The following SAMD5 variants were observed in gnomAD, a reference collection of about 807,000 sequenced individuals.
SAMD5 encodes the protein sterile alpha motif domain containing 5, also known as sterile alpha motif domain-containing protein 5.
A neutral mutation model predicts 11.3 loss-of-function variants in SAMD5; 13 were observed. The observed-to-expected ratio is 1.15, with a 90% CI of 0.75 to 1.83. SAMD5 has a LOEUF of 1.83. Ranked by LOEUF, SAMD5 falls within the 40% of genes most tolerant of loss-of-function variation. SAMD5 has a pLI of 0.00. For missense variants in SAMD5, 255 were observed against 239.1 expected (o/e 1.07, Z -0.44); for synonymous variants, 129 against 111.3 (o/e 1.16, Z -1.00).
At chr6:147,614,092 G>T (rs539712050) in intron 1 of SAMD5, among the ~76,000 whole-genome samples, 1 of 152,080 alleles carries the variant, frequency 6.6e-6, no homozygotes, top group South Asian at 2.1e-4. Flanking sequence ...GGAGGAGATG[G>T]CATTGGGTGA....
chr6:147,724,860 T>C (rs967684414), intron 1 of SAMD5, among the ~76,000 whole-genome samples: 4 of 152,096 alleles, frequency 2.6e-5, no homozygotes, highest in Admixed American at 6.6e-5. Context: ...ACCTAAGAGT[T>C]TGGTGATTTA....
downstream of SAMD5, among the ~76,000 whole-genome samples, chr6:147,573,968 CAA>C (rs1445508325): frequency 6.6e-6 from 1 of 151,802 alleles, no homozygotes; most frequent in Non-Finnish European, 1.5e-5. Context: ...ACTAAAAAAA[CAA>C]AAACAAAATT....
In SAMD5 at chr6:147,532,856, G is replaced by A. The variant is rs184904461; in HGVS notation, c.459+23469G>A. Reference sequence around the variant, plus strand: ...ATAATGAGGTTATGAATGGGTCCACGTGCATACATTTTTCCTCCCGGAGAG... The same window carrying A: ...ATAATGAGGTTATGAATGGGTCCACATGCATACATTTTTCCTCCCGGAGAG... On this transcript the variant is annotated intron_variant, in intron 1 of 1. Transcript: ENST00000367474. Among the ~76,000 whole-genome samples the A allele has an allele frequency of 2.6e-3, 389 of 152,226 alleles. 8 individuals carry two copies. Among genetic ancestry groups the A allele is most frequent in the South Asian group, 5.0e-3 (24 of 4,814 alleles).
chr6:147,580,624 C>T (rs1288953426), intron 1 of SAMD5, among the ~76,000 whole-genome samples: 2 of 152,274 alleles, frequency 1.3e-5, no homozygotes, highest in South Asian at 2.1e-4. Context: ...GAGGACTAGA[C>T]TTTAAAATTG....
Position 147,560,586 on chromosome 6 carries a change from A to T in SAMD5, c.460-3808A>T, listed in dbSNP as rs139384876. Among the ~76,000 whole-genome samples, 34 of 152,318 alleles carry T rather than the reference A, an allele frequency of 2.2e-4. No individual in the cohort carries two copies. In the East Asian group the frequency reaches 6.4e-3, roughly 28 times the overall value. ...GTCACAATAGAGAAATGACTTCTGA[A>T]TGGTGTTTAGCCTGCATATCACTCT... is the stretch of plus-strand genomic sequence containing the variant. On this transcript the variant is annotated intron_variant, in intron 1 of 1. Coordinates refer to ENST00000367474, the MANE Select transcript of SAMD5 (RefSeq NM_001030060.3).
the SAMD5 span, among the ~76,000 whole-genome samples, chr6:147,794,895 G>T: frequency 2.0e-5 from 3 of 151,642 alleles, no homozygotes; most frequent in East Asian, 5.8e-4. Context: ...GAAGAGGGAA[G>T]ATGAACAGTT....
At chr6:147,601,233 A>G (rs1789609876) in intron 1 of SAMD5, among the ~76,000 whole-genome samples, 5 of 152,190 alleles carry the variant, frequency 3.3e-5, no homozygotes, top group Admixed American at 3.3e-4. Flanking sequence ...TTAGGAAATG[A>G]GTATCCAAAA....
chr6:147,535,933 T>G (rs1363087998), intron 1 of SAMD5, among the ~76,000 whole-genome samples: 2 of 152,198 alleles, frequency 1.3e-5, no homozygotes, highest in Admixed American at 1.3e-4. Context: ...AAGTCAACTT[T>G]GATTCTTTAA....
In SAMD5 at chr6:147,686,639, A is replaced by G. The variant is rs145444791; in HGVS notation, c.163-50678A>G. ...ATACTGTTTATTGGTATATTTTTCT[A>G]TGCTTTCCAATACTGTGCTATTTTA... is the stretch of plus-strand genomic sequence containing the variant. On this transcript the variant is annotated intron_variant, in intron 1 of 1. Coordinates refer to the SAMD5 transcript ENST00000566741. 4.2e-3 allele frequency among the ~76,000 whole-genome samples: 637 copies of G among 151,652 alleles called. 3 individuals carry two copies. The highest frequency in any genetic ancestry group is 0.015 in the African/African-American group (612 of 41,438).
chr6:147,790,777 TC>T, the SAMD5 span, among the ~76,000 whole-genome samples: 27 of 57,314 alleles, frequency 4.7e-4, no homozygotes, highest in Non-Finnish European at 1.0e-3. Flanking sequence ...TCTTTCTCTC[TC>T]TCTCTCTCTC....
At chr6:147,776,770 T>G in the SAMD5 span, among the ~76,000 whole-genome samples, 1 of 152,158 alleles carries the variant, frequency 6.6e-6, no homozygotes, top group Non-Finnish European at 1.5e-5. Flanking sequence ...AACAAACAGT[T>G]TTTCAGAGGG....
Position 147,559,143 on chromosome 6 carries a change from G to C in SAMD5, c.460-5251G>C, listed in dbSNP as rs562397881. 3.3e-4 allele frequency among the ~76,000 whole-genome samples: 51 copies of C among 152,300 alleles called. 1 individual carries two copies. The highest frequency in any genetic ancestry group is 1.2e-4 in the Non-Finnish European group (8 of 68,024). On this transcript the variant is annotated intron_variant, in intron 1 of 1. Transcript: ENST00000367474. ...GCACGGCCCTGACTCCAGGCGGTAA[G>C]GCGGCACTGGCCTCAGAAGCAACTG...
rs376990268 is a variant in SAMD5 at position 147,703,415 on chromosome 6, CG to C, written c.163-33900del. Among the ~76,000 whole-genome samples, 304 of 152,278 alleles carry C rather than the reference CG, an allele frequency of 2.0e-3. 1 individual carries two copies. Among genetic ancestry groups the C allele is most frequent in the African/African-American group, 6.9e-3 (287 of 41,564 alleles). On this transcript the variant is annotated intron_variant, in intron 1 of 1. Transcript: ENST00000566741. ...TAGTTAATCTTAGACTTGATTTTGACGGTCTGCATTTCATTTGGTCCCTATT... is the reference window on the plus strand; with the variant it reads ...TAGTTAATCTTAGACTTGATTTTGACGTCTGCATTTCATTTGGTCCCTATT...
the SAMD5 span, among the ~76,000 whole-genome samples, chr6:147,917,185 T>C: frequency 5.5e-5 from 5 of 91,210 alleles, no homozygotes; most frequent in South Asian, 2.2e-3. Flanking sequence ...AGTGTAAAAG[T>C]GTTCCTATTT....
chr6:147,592,662 G>A (rs962275663), intron 1 of SAMD5, among the ~76,000 whole-genome samples: 64 of 151,418 alleles, frequency 4.2e-4, no homozygotes, highest in African/African-American at 1.4e-3. Flanking sequence ...GAACATGTTC[G>A]CTCTGAAGGA....
chr6:147,685,926 G>A (rs1562351536), intron 1 of SAMD5, among the ~76,000 whole-genome samples: 1 of 152,278 alleles, frequency 6.6e-6, no homozygotes, highest in Non-Finnish European at 1.5e-5. Flanking sequence ...TATTTACCTA[G>A]TGATTTGTAG....
intron 1 of SAMD5, among the ~76,000 whole-genome samples, chr6:147,681,207 T>C (rs1040040671): frequency 9.8e-5 from 15 of 152,306 alleles, no homozygotes; most frequent in South Asian, 2.1e-4. Flanking sequence ...CACAGGCAAC[T>C]GATGCATTTT....
intron 1 of SAMD5, among the ~76,000 whole-genome samples, chr6:147,583,129 C>A (rs895231227): frequency 6.6e-6 from 1 of 152,208 alleles, no homozygotes; most frequent in African/African-American, 2.4e-5. Flanking sequence ...TAGTTTTACA[C>A]ATAGACATTT....
At chr6:147,737,358 G>T in exon 2 of SAMD5, 1 of 1,267,020 alleles carries the variant, frequency 7.9e-7, no homozygotes, top group Non-Finnish European at 1.0e-6. Flanking sequence ...TTTGCGTGCT[G>T]TTTATTGGAG....
Sources: gnomAD v4.1 joint callset for allele counts (sites outside exome capture counted in the v4.1 genomes callset) on GRCh38, gnomAD v4.1.1 for gene constraint, MANE v1.5 for transcripts, NCBI Gene and HGNC (gene_info 2026-07-23, HGNC 2026-07-21) for gene names.